Variants in KCNIP4 observed in about 807,000 individuals in gnomAD.
The protein encoded by KCNIP4 is Kv channel-interacting protein 4.
A neutral mutation model predicts 34.0 loss-of-function variants in KCNIP4; 12 were observed. The ratio of observed to expected loss-of-function variants is 0.35; its 90% confidence interval spans 0.23 to 0.57. KCNIP4 has a LOEUF of 0.57. Among genes scored for constraint, KCNIP4 ranks in the 20% least tolerant of loss-of-function variants. The pLI is 0.83. For synonymous variants in KCNIP4, 124 were observed against 102.2 expected, an observed-to-expected ratio of 1.21 and a Z score of -1.29; for missense variants, 238 against 311.7, an observed-to-expected ratio of 0.76 and a Z score of 1.78.
intron 1 of KCNIP4, among the ~76,000 whole-genome samples, chr4:21,677,254 G>C (rs1283102452): frequency 6.6e-6 from 1 of 152,118 alleles, no homozygotes; most frequent in African/African-American, 2.4e-5. Context: ...CTTGTAAAAG[G>C]CATCTGGCCT....
intron 1 of KCNIP4, among the ~76,000 whole-genome samples, chr4:20,911,534 T>C (rs1728325044): frequency 6.6e-6 from 1 of 152,138 alleles, no homozygotes; most frequent in South Asian, 2.1e-4. Flanking sequence ...TGGTAATAGT[T>C]TTTGCAACTT....
intron 1 of KCNIP4, among the ~76,000 whole-genome samples, chr4:21,504,480 AAAGAAAGAAAG>A (rs1560466982): frequency 1.0e-4 from 10 of 98,118 alleles, no homozygotes; most frequent in African/African-American, 5.3e-4. Context: ...AAAAAAAAAG[AAAGAAAGAAAG>A]AAAGAAAGAA....
chr4:21,476,645 C>A (rs13109855), intron 1 of KCNIP4, among the ~76,000 whole-genome samples: 19,020 of 152,130 alleles, frequency 0.13, 1,359 homozygotes, highest in South Asian at 0.21. Context: ...CCCAATAAAT[C>A]CCTATTTTAA....
At chr4:21,102,493 A>G (rs1280576342) in intron 1 of KCNIP4, among the ~76,000 whole-genome samples, 1 of 152,190 alleles carries the variant, frequency 6.6e-6, no homozygotes, top group Non-Finnish European at 1.5e-5. Context: ...TCCCATTGAC[A>G]TAGAACCATC....
chr4:20,732,272 A>C lies in KCNIP4; in HGVS notation c.643-204T>G, dbSNP rs906285064. ...CTTCTGGCTTTTCCCTTTTCAATAT[A>C]ATGTGGTGAAGATGTAGAGTCACTC... On this transcript the variant is annotated intron_variant, in intron 7 of 8. Transcript: ENST00000382152. Among the ~76,000 whole-genome samples, 8 of 152,154 alleles carry C rather than the reference A, an allele frequency of 5.3e-5. 1 individual carries two copies. The highest frequency in any genetic ancestry group is 1.7e-4 in the African/African-American group (7 of 41,436).
intron 1 of KCNIP4, among the ~76,000 whole-genome samples, chr4:21,942,424 C>G (rs950568367): frequency 6.6e-6 from 1 of 152,178 alleles, no homozygotes; most frequent in Non-Finnish European, 1.5e-5. Flanking sequence ...ATAGTAACAA[C>G]ACCCAAAGAT....
chr4:20,969,946 GT>G lies in KCNIP4; in HGVS notation c.62-87238del, dbSNP rs201808424. 2.5e-3 allele frequency among the ~76,000 whole-genome samples: 359 copies of G among 144,838 alleles called. 1 individual carries two copies. Among genetic ancestry groups the G allele is most frequent in the African/African-American group, 4.7e-3 (188 of 39,608 alleles). Reference sequence around the variant, plus strand: ...TAAACAAATGAAAATATTATCAGCAGTTTTTTTTTTTTTGAGACGGATTCTT... The same window carrying G: ...TAAACAAATGAAAATATTATCAGCAGTTTTTTTTTTTTGAGACGGATTCTT... On this transcript the variant is annotated intron_variant, in intron 1 of 8. Coordinates refer to ENST00000382152, the MANE Select transcript of KCNIP4 (RefSeq NM_025221.6).
chr4:20,977,758 T>G (rs1304503909), intron 1 of KCNIP4, among the ~76,000 whole-genome samples: 2 of 152,344 alleles, frequency 1.3e-5, no homozygotes, highest in Middle Eastern at 6.8e-3. Flanking sequence ...TTTTCTGCTT[T>G]TAGTTTCTAG....
chr4:20,985,742 A>C (rs1239905850), intron 1 of KCNIP4, among the ~76,000 whole-genome samples: 1 of 152,162 alleles, frequency 6.6e-6, no homozygotes, highest in Non-Finnish European at 1.5e-5. Context: ...TGCGCGGTAC[A>C]GTGGGAAAAC....
chr4:21,069,207 G>A (rs938582131), intron 1 of KCNIP4, among the ~76,000 whole-genome samples: 4 of 151,980 alleles, frequency 2.6e-5, no homozygotes, highest in Non-Finnish European at 5.9e-5. Flanking sequence ...TACACCTAAA[G>A]TATAATGTAA....
chr4:21,721,175 C>G (rs539059565), intron 1 of KCNIP4, among the ~76,000 whole-genome samples: 2 of 152,158 alleles, frequency 1.3e-5, no homozygotes, highest in South Asian at 4.1e-4. Context: ...TCCGTGAAAA[C>G]AGTGTGATGT....
At chr4:21,412,808 C>CT (rs35182638) in intron 1 of KCNIP4, among the ~76,000 whole-genome samples, 1 of 152,176 alleles carries the variant, frequency 6.6e-6, no homozygotes, top group African/African-American at 2.4e-5. Flanking sequence ...TGTTCTGCTA[C>CT]TTTTAACATG....
chr4:21,318,482 T>C (rs1714025296), intron 1 of KCNIP4, among the ~76,000 whole-genome samples: 1 of 152,184 alleles, frequency 6.6e-6, no homozygotes, highest in South Asian at 2.1e-4. Context: ...AGCCACTGAC[T>C]TTGAATGTTT....
At chr4:21,752,346 T>A (rs1182570403) in intron 1 of KCNIP4, among the ~76,000 whole-genome samples, 3 of 152,062 alleles carry the variant, frequency 2.0e-5, no homozygotes, top group African/African-American at 7.2e-5. Context: ...AGCAAGCTTG[T>A]ACCTTCTCAC....
chr4:20,917,842 T>G (rs575676169), intron 1 of KCNIP4, among the ~76,000 whole-genome samples: 10 of 152,214 alleles, frequency 6.6e-5, no homozygotes, highest in Admixed American at 5.2e-4. Flanking sequence ...GCGAACACAT[T>G]TGAGTAAAAC....
chr4:20,747,747 G>T (rs1348979508), intron 5 of KCNIP4, among the ~76,000 whole-genome samples: 1 of 152,056 alleles, frequency 6.6e-6, no homozygotes, highest in Non-Finnish European at 1.5e-5. Context: ...CGCAGTTGTG[G>T]TACCCAGTCT....
At chr4:21,742,383 C>A (rs1008243396) in intron 1 of KCNIP4, among the ~76,000 whole-genome samples, 4 of 152,142 alleles carry the variant, frequency 2.6e-5, no homozygotes, top group African/African-American at 9.7e-5. Flanking sequence ...ATTTTCCAAG[C>A]AACCTTCCTG....
intron 2 of KCNIP4, among the ~76,000 whole-genome samples, chr4:20,862,520 A>C (rs1722311435): frequency 6.6e-6 from 1 of 152,140 alleles, no homozygotes; most frequent in African/African-American, 2.4e-5. Context: ...GCAAAGAGAA[A>C]AATTTTAAAA....
intron 1 of KCNIP4, among the ~76,000 whole-genome samples, chr4:21,246,399 C>G (rs1406558685): frequency 6.6e-6 from 1 of 152,188 alleles, no homozygotes; most frequent in Non-Finnish European, 1.5e-5. Flanking sequence ...GAAGCTTAAG[C>G]TGATTTTGTC....
Sources: gnomAD v4.1 joint callset for allele counts (sites outside exome capture counted in the v4.1 genomes callset) on GRCh38, gnomAD v4.1.1 for gene constraint, MANE v1.5 for transcripts, NCBI Gene and HGNC (gene_info 2026-07-23, HGNC 2026-07-21) for gene names.